SYNJ2: variants seen among roughly 807,000 people sequenced by gnomAD.
SYNJ2 encodes the protein synaptojanin 2.
SYNJ2 carries 116 observed loss-of-function variants against 141.3 expected under a neutral mutation model. The observed-to-expected ratio is 0.82, with a 90% CI of 0.71 to 0.96. The LOEUF (loss-of-function observed/expected upper bound fraction) is 0.96, where lower values mean the gene tolerates loss of function less well. SYNJ2 is among the 40% of genes least tolerant of loss of function. The pLI, the probability that SYNJ2 is intolerant of heterozygous loss-of-function variation, is 0.00. For missense variants in SYNJ2, 1,873 were observed against 1,934.8 expected (o/e 0.97, Z 0.60); for synonymous variants, 745 against 777.7 (o/e 0.96, Z 0.70).
chr6:158,058,749 A>G (rs1474915506), intron 6 of SYNJ2, among the ~76,000 whole-genome samples: 1 of 152,210 alleles, frequency 6.6e-6, no homozygotes, highest in Non-Finnish European at 1.5e-5. Flanking sequence ...CAACATAGCA[A>G]GACCCTGTCT....
chr6:158,068,851 G>C, intron 13 of SYNJ2, 123 bp downstream of exon 13: 1 of 1,002,710 alleles, frequency 1.0e-6, no homozygotes, highest in Non-Finnish European at 1.5e-6. Context: ...TGTGGCCCTG[G>C]CTGTGTGGGG....
intron 26 of SYNJ2, chr6:158,094,037 G>T (rs766787496): frequency 1.3e-6 from 1 of 763,242 alleles, no homozygotes; most frequent in Admixed American, 1.7e-5. Flanking sequence ...ACGGACCCTC[G>T]GTAATCCCTT....
chr6:158,073,378 A>T (rs777781562), intron 15 of SYNJ2, among the ~76,000 whole-genome samples: 1 of 151,816 alleles, frequency 6.6e-6, no homozygotes, highest in Non-Finnish European at 1.5e-5. Context: ...TTGTATTTTT[A>T]GTAGAGATGG....
At chr6:157,987,820 T>C (rs1777262907) in intron 1 of SYNJ2, among the ~76,000 whole-genome samples, 1 of 152,250 alleles carries the variant, frequency 6.6e-6, no homozygotes, top group Non-Finnish European at 1.5e-5. Flanking sequence ...GCAGATTTCG[T>C]GTGGCCAGCA....
Position 158,097,077 on chromosome 6 carries a change from C to G in SYNJ2, c.*713C>G, listed in dbSNP as rs1024062738. 6.5e-6 allele frequency: 1 copy of G among 152,694 alleles called. No individual in the cohort carries two copies. The highest frequency in any genetic ancestry group is 1.9e-4 in the East Asian group (1 of 5,204). 9.5% of individuals were successfully genotyped at this position (152,694 alleles called of 1,614,324 possible). On this transcript the variant is annotated 3_prime_UTR_variant, in exon 27 of 27. Transcript: ENST00000355585. ...TAGACATTGCATGCCCTATCAATTA[C>G]TATAATCCTGAGCCATGGTGTGCTA... is the stretch of plus-strand genomic sequence containing the variant.
intron 23 of SYNJ2, 128 bp from the exon 24 acceptor site, chr6:158,088,532 G>A: frequency 2.9e-6 from 2 of 682,698 alleles, no homozygotes; most frequent in Non-Finnish European, 5.2e-6. Context: ...AGTGCCGAGT[G>A]AGTATTCGGA....
At chr6:158,087,896 T>TA (rs1783166119) in intron 23 of SYNJ2, among the ~76,000 whole-genome samples, 1 of 149,934 alleles carries the variant, frequency 6.7e-6, no homozygotes, top group South Asian at 2.1e-4. Context: ...TTTTTTTTTT[T>TA]AACAAAATTA....
chr6:158,039,591 T>A (rs1439260652), intron 4 of SYNJ2, among the ~76,000 whole-genome samples: 1 of 152,226 alleles, frequency 6.6e-6, no homozygotes, highest in African/African-American at 2.4e-5. Context: ...TCATGAGCTC[T>A]CCATAAGCTT....
rs142052619 is a variant in SYNJ2 at position 158,062,057 on chromosome 6, T to C, written c.1020T>C (p.Phe340=). 45 of 1,614,168 alleles carry C rather than the reference T, an allele frequency of 2.8e-5. No homozygotes were observed. In the African/African-American group the frequency reaches 5.7e-4, roughly 21 times the overall value. Residue 340 remains phenylalanine, a synonymous_variant, in exon 8 of 27, where the codon TTT becomes TTC. Coordinates refer to ENST00000355585, the MANE Select transcript of SYNJ2 (RefSeq NM_003898.4). ...TPMINFDFHQ[F]AKGGKLEKLE... is the part of the protein sequence containing the mutation. ...TGATCAATTTTGACTTCCATCAGTTTGCCAAAGGTGGGAAGCTAGAGAAAT... is the reference window on the plus strand; with the variant it reads ...TGATCAATTTTGACTTCCATCAGTTCGCCAAAGGTGGGAAGCTAGAGAAAT...
At chr6:158,005,703 C>T (rs1778042889) in intron 1 of SYNJ2, among the ~76,000 whole-genome samples, 2 of 152,100 alleles carry the variant, frequency 1.3e-5, no homozygotes, top group South Asian at 4.1e-4. Flanking sequence ...GTGCTCTGTC[C>T]ACTCCCCCAC....
chr6:158,017,409 T>A, intron 2 of SYNJ2, 119 bp downstream of exon 2: 9 of 905,938 alleles, frequency 9.9e-6, no homozygotes, highest in African/African-American at 2.0e-5. Flanking sequence ...TCTCTTCTTT[T>A]TTTTTTTTTT....
intron 1 of SYNJ2, among the ~76,000 whole-genome samples, chr6:157,989,915 G>A (rs979135584): frequency 5.3e-5 from 8 of 152,000 alleles, no homozygotes. Flanking sequence ...TTCTGGGGGG[G>A]GCTAGGAGGC....
chr6:158,066,518 A>G lies in SYNJ2; in HGVS notation c.1600A>G (p.Met534Val), dbSNP rs141050493. The G allele has an allele frequency of 1.1e-4, 175 of 1,614,170 alleles. No individual in the cohort carries two copies. In the African/African-American group the frequency reaches 1.8e-3, roughly 16 times the overall value. The change falls in exon 12 of 27, where the codon ATG (methionine) becomes GTG (valine). Residue 534 changes from methionine to valine, a missense_variant. Met to Val is a conservative substitution (Grantham distance 21). Transcript: ENST00000355585. Reference sequence around the variant, plus strand: ...AAATTTCAAGCGGATCCGGATTGCTATGGGGACCTGGAACGTGAACGGAGG... The same window carrying G: ...AAATTTCAAGCGGATCCGGATTGCTGTGGGGACCTGGAACGTGAACGGAGG... ...FTNFKRIRIAMGTWNVNGGKQ... is the reference protein window; with the variant it reads ...FTNFKRIRIAVGTWNVNGGKQ...
intron 1 of SYNJ2, among the ~76,000 whole-genome samples, chr6:157,985,962 C>T (rs553455215): frequency 4.4e-4 from 67 of 152,298 alleles, no homozygotes; most frequent in African/African-American, 1.5e-3. Context: ...TGCGAGGCCA[C>T]GTCTCGAGTT....
chr6:158,068,140 TAAAA>T (rs35047437), intron 12 of SYNJ2, among the ~76,000 whole-genome samples: 21 of 126,068 alleles, frequency 1.7e-4, no homozygotes, highest in Admixed American at 2.4e-4. Context: ...TTGTTTTATT[TAAAA>T]AAAAAAAAAA....
In SYNJ2 at chr6:158,062,071, A is replaced by G. The variant is rs780408098; in HGVS notation, c.1034A>G (p.Lys345Arg). The G allele has an allele frequency of 3.7e-6, 6 of 1,614,178 alleles. No homozygotes were observed. Among genetic ancestry groups the G allele is most frequent in the Non-Finnish European group, 5.1e-6 (6 of 1,180,030 alleles). Residue 345 changes from lysine to arginine, a missense_variant, in exon 8 of 27, where the codon AAG (lysine) becomes AGG (arginine). Transcript: ENST00000355585. ...FDFHQFAKGG[K>R]LEKLETLLRP... ...TTCCATCAGTTTGCCAAAGGTGGGAAGCTAGAGAAATTGGAGACCCTCTTG... is the reference window on the plus strand; with the variant it reads ...TTCCATCAGTTTGCCAAAGGTGGGAGGCTAGAGAAATTGGAGACCCTCTTG...
intron 4 of SYNJ2, among the ~76,000 whole-genome samples, chr6:158,036,036 T>A (rs986702824): frequency 6.7e-6 from 1 of 150,268 alleles, no homozygotes; most frequent in East Asian, 1.9e-4. Flanking sequence ...AAGGCATACA[T>A]GCGGCCAGCA....
At chr6:158,062,842 C>T (rs1250806829) in intron 8 of SYNJ2, among the ~76,000 whole-genome samples, 2 of 152,090 alleles carry the variant, frequency 1.3e-5, no homozygotes, top group Non-Finnish European at 2.9e-5. Flanking sequence ...TTTGTGGGGT[C>T]TTTGTTAGGG....
At chr6:158,068,594 T>G (rs1781711765) in intron 12 of SYNJ2, 53 bp from the exon 13 acceptor site, 2 of 1,607,482 alleles carry the variant, frequency 1.2e-6, no homozygotes, top group South Asian at 2.2e-5. Flanking sequence ...CATGAACTCG[T>G]AATGCGGGAC....
Sources: gnomAD v4.1 joint callset for allele counts (sites outside exome capture counted in the v4.1 genomes callset) on GRCh38, gnomAD v4.1.1 for gene constraint, MANE v1.5 for transcripts, NCBI Gene and HGNC (gene_info 2026-07-23, HGNC 2026-07-21) for gene names.